SYT10: variants seen among roughly 807,000 people sequenced by gnomAD.
SYT10 encodes the protein synaptotagmin 10.
SYT10 carries 31 observed loss-of-function variants against 51.1 expected under a neutral mutation model. The ratio of observed to expected loss-of-function variants is 0.61; its 90% CI spans 0.46 to 0.82. The LOEUF (loss-of-function observed/expected upper bound fraction) is 0.82, where lower values mean the gene tolerates loss of function less well. Among genes scored for constraint, SYT10 ranks in the 40% least tolerant of loss-of-function variants. SYT10 has a pLI of 0.00. For missense variants in SYT10, 603 were observed against 634.0 expected (o/e 0.95, Z 0.53); for synonymous variants, 233 against 225.9 (o/e 1.03, Z -0.28).
intron 1 of SYT10, among the ~76,000 whole-genome samples, chr12:33,428,950 G>T (rs1000611723): frequency 2.0e-5 from 3 of 151,624 alleles, no homozygotes; most frequent in African/African-American, 7.3e-5. Flanking sequence ...AATGGACTCT[G>T]TGAGAGTAGA....
chr12:33,425,412 T>TA (rs1203041972), intron 2 of SYT10, among the ~76,000 whole-genome samples: 1 of 152,184 alleles, frequency 6.6e-6, no homozygotes, highest in Admixed American at 6.5e-5. Flanking sequence ...CCTTTACAGT[T>TA]AATACAATTA....
chr12:33,403,482 C>G (rs902256557), intron 3 of SYT10, among the ~76,000 whole-genome samples: 4 of 152,148 alleles, frequency 2.6e-5, no homozygotes, highest in South Asian at 2.1e-4. Flanking sequence ...TGATCCACCC[C>G]CCTCAGCCTC....
chr12:33,432,003 A>T (rs767136825), intron 1 of SYT10, among the ~76,000 whole-genome samples: 1 of 152,154 alleles, frequency 6.6e-6, no homozygotes, highest in African/African-American at 2.4e-5. Context: ...CAAGGACATC[A>T]TTAATTCTGA....
intron 1 of SYT10, 114 bp downstream of exon 1, chr12:33,439,258 G>A (rs1866663446): frequency 7.4e-7 from 1 of 1,350,116 alleles, no homozygotes; most frequent in East Asian, 2.3e-5. Flanking sequence ...GGAAAGCGTG[G>A]CGCCCCAAAT....
chr12:33,420,530 T>G (rs923147597), intron 2 of SYT10, among the ~76,000 whole-genome samples: 1 of 151,922 alleles, frequency 6.6e-6, no homozygotes, highest in Non-Finnish European at 1.5e-5. Context: ...TGCGTGCCTG[T>G]AGTCCTGGCA....
At chr12:33,399,729 T>C (rs1400565395) in intron 3 of SYT10, among the ~76,000 whole-genome samples, 1 of 152,200 alleles carries the variant, frequency 6.6e-6, no homozygotes, top group Non-Finnish European at 1.5e-5. Context: ...CTTATGATAG[T>C]ATATGAAGGA....
At chr12:33,431,937 A>G (rs911212998) in intron 1 of SYT10, among the ~76,000 whole-genome samples, 4 of 142,842 alleles carry the variant, frequency 2.8e-5, no homozygotes, top group Non-Finnish European at 6.1e-5. Flanking sequence ...TTATGTTAAG[A>G]AAAAATGCAT....
Position 33,377,771 on chromosome 12 carries a change from G to T in SYT10, c.1501-870C>A, listed in dbSNP as rs144697786. Among the ~76,000 whole-genome samples, 94 of 151,534 alleles carry T rather than the reference G, an allele frequency of 6.2e-4. No homozygotes were observed. The East Asian group carries it at 6.5e-3, about 11-fold the overall frequency. ...GCCTCCCAAGTAGCTTGGATTACAG[G>T]CGCCTGCCACCAAGCCCGGCTAATT... On this transcript the variant is annotated intron_variant, in intron 6 of 6. Coordinates refer to ENST00000228567, the MANE Select transcript of SYT10 (RefSeq NM_198992.4).
At chr12:33,402,619 T>G (rs750232783) in intron 3 of SYT10, among the ~76,000 whole-genome samples, 3 of 152,230 alleles carry the variant, frequency 2.0e-5, no homozygotes, top group Non-Finnish European at 4.4e-5. Context: ...AGAACTAAAC[T>G]TTGTTCACAG....
rs1253998491 is a variant in SYT10 at position 33,377,571 on chromosome 12, AT to A, written c.1501-671del. On this transcript the variant is annotated intron_variant, in intron 6 of 6. Transcript: ENST00000228567. ...TGCCTGTATGTATTTACAAAGTTTAATTACAACAAAACAAATGATTATCTAG... is the reference window on the plus strand; with the variant it reads ...TGCCTGTATGTATTTACAAAGTTTAATACAACAAAACAAATGATTATCTAG... Among the ~76,000 whole-genome samples the A allele has an allele frequency of 3.3e-5, 5 of 152,030 alleles. No homozygotes were observed. The East Asian group carries it at 7.7e-4, about 23-fold the overall frequency.
intron 1 of SYT10, chr12:33,432,662 T>C (rs1866606733): frequency 6.6e-6 from 1 of 152,086 alleles, no homozygotes; most frequent in South Asian, 2.1e-4. Context: ...GGGAATAATA[T>C]TAATAAATAC....
chr12:33,409,869 G>C (rs144851942), intron 2 of SYT10, among the ~76,000 whole-genome samples: 19 of 151,988 alleles, frequency 1.3e-4, no homozygotes, highest in African/African-American at 4.6e-4. Flanking sequence ...TTGAAGAATA[G>C]GGTAAAGATG....
At chr12:33,419,555 A>G (rs1866482871) in intron 2 of SYT10, among the ~76,000 whole-genome samples, 1 of 152,190 alleles carries the variant, frequency 6.6e-6, no homozygotes, top group Non-Finnish European at 1.5e-5. Context: ...AAATTTAATG[A>G]AATAAATGTT....
At chr12:33,398,181 C>T (rs578086344) in intron 3 of SYT10, among the ~76,000 whole-genome samples, 29 of 152,092 alleles carry the variant, frequency 1.9e-4, no homozygotes, top group Non-Finnish European at 2.5e-4. Flanking sequence ...CCAGGCCAGA[C>T]GGCATTATGA....
chr12:33,435,425 G>T (rs1866630406), intron 1 of SYT10, among the ~76,000 whole-genome samples: 1 of 152,306 alleles, frequency 6.6e-6, no homozygotes, highest in East Asian at 1.9e-4. Flanking sequence ...TGATGATCAT[G>T]TGACAATGAG....
chr12:33,391,736 C>T (rs11829626), intron 3 of SYT10, among the ~76,000 whole-genome samples: 54,425 of 151,960 alleles, frequency 0.36, 10,304 homozygotes, highest in East Asian at 0.75. Flanking sequence ...ACAGTAGGTG[C>T]CAGAAAACAT....
intron 1 of SYT10, among the ~76,000 whole-genome samples, chr12:33,436,071 G>A (rs1223973363): frequency 6.6e-6 from 1 of 152,148 alleles, no homozygotes; most frequent in Non-Finnish European, 1.5e-5. Flanking sequence ...AAGTGACTGT[G>A]AGCTTAAGTG....
intron 2 of SYT10, among the ~76,000 whole-genome samples, chr12:33,425,105 C>T (rs1415091226): frequency 6.6e-6 from 1 of 151,946 alleles, no homozygotes; most frequent in African/African-American, 2.4e-5. Flanking sequence ...TTCTAGTAAC[C>T]AATATGACCC....
At chr12:33,382,124 C>T (rs1226578839) in intron 5 of SYT10, among the ~76,000 whole-genome samples, 1 of 152,178 alleles carries the variant, frequency 6.6e-6, no homozygotes, top group African/African-American at 2.4e-5. Context: ...TACTTCTGGA[C>T]CCATTCTTTC....
Sources: gnomAD v4.1 joint callset for allele counts (sites outside exome capture counted in the v4.1 genomes callset) on GRCh38, gnomAD v4.1.1 for gene constraint, MANE v1.5 for transcripts, NCBI Gene and HGNC (gene_info 2026-07-23, HGNC 2026-07-21) for gene names.